Variants in SVIL observed in about 807,000 individuals in gnomAD.
SVIL encodes archvillin.
A neutral mutation model predicts 240.4 loss-of-function variants in SVIL; 101 were observed. That is an observed-to-expected ratio of 0.42 (90% CI 0.36 to 0.50). SVIL has a LOEUF of 0.50. Ranked by LOEUF, SVIL falls within the 20% of genes least tolerant of loss-of-function variation. SVIL has a pLI of 0.01. For synonymous variants in SVIL, 999 were observed against 1,100.0 expected, an observed-to-expected ratio of 0.91 and a Z score of 1.82; for missense variants, 2,512 against 2,818.7, an observed-to-expected ratio of 0.89 and a Z score of 2.46.
intron 1 of SVIL, among the ~76,000 whole-genome samples, chr10:29,579,192 C>CTT (rs1453993798): frequency 6.6e-6 from 1 of 151,984 alleles, no homozygotes; most frequent in Non-Finnish European, 1.5e-5. Flanking sequence ...AATCCCAGCA[C>CTT]TTTGGGAGGC....
In SVIL at chr10:29,480,651, C is replaced by T. The variant is rs759800497; in HGVS notation, c.5263G>A (p.Asp1755Asn). 3.7e-6 allele frequency: 6 copies of T among 1,614,210 alleles called. No homozygotes were observed. The highest frequency in any genetic ancestry group is 3.3e-5 in the Admixed American group (2 of 60,018). The change falls in exon 29 of 38, where the codon GAT becomes AAT. Residue 1755 changes from aspartate to asparagine, a missense_variant. By Grantham distance (23) the Asp-to-Asn change is conservative. Transcript: ENST00000355867. ...RQFEITSVSV[D>N]VWHILEFDYS... is the part of the protein sequence containing the mutation. ...TCGAATTCCAGGATGTGCCAGACAT[C>T]CACGGAAACGCTGGTGATCTCAAAC...
chr10:29,616,871 C>A (rs749718590), intron 1 of SVIL, among the ~76,000 whole-genome samples: 1 of 152,152 alleles, frequency 6.6e-6, no homozygotes, highest in Admixed American at 6.5e-5. Context: ...TATAGGCCCA[C>A]GCCACGAAGC....
chr10:29,541,290 C>T (rs1401392684), intron 6 of SVIL, among the ~76,000 whole-genome samples: 2 of 152,088 alleles, frequency 1.3e-5, no homozygotes, highest in African/African-American at 4.8e-5. Flanking sequence ...GAGGCTATAC[C>T]AGTCTTTGCA....
Position 29,532,115 on chromosome 10 carries a change from C to A in SVIL, c.1896G>T (p.Arg632=). The part of the protein sequence containing the change: ...EGPGLPTGVE[R]ERGSRKPRRY... ...GTCTTGGTTTCCGGGACCCTCTCTC[C>A]CGTTCCACACCGGTGGGCAAGCCAG... Residue 632 remains arginine, a synonymous_variant, in exon 9 of 38, where the codon CGG becomes CGT. Transcript: ENST00000355867. 1.2e-6 allele frequency: 2 copies of A among 1,614,014 alleles called. No individual in the cohort carries two copies.
intron 2 of SVIL, among the ~76,000 whole-genome samples, chr10:29,682,134 A>T (rs1173590340): frequency 6.6e-6 from 1 of 152,144 alleles, no homozygotes; most frequent in Non-Finnish European, 1.5e-5. Context: ...TCTCATTTGT[A>T]TGCATCTTGG....
Position 29,488,622 on chromosome 10 carries a change from G to A in SVIL, c.4327C>T (p.Leu1443=), listed in dbSNP as rs1187951571. 11 of 1,603,922 alleles carry A rather than the reference G, an allele frequency of 6.9e-6. No individual in the cohort carries two copies. The highest frequency in any genetic ancestry group is 1.7e-5 in the Admixed American group (1 of 57,246). ...ATACCTTTAATCTGCAACAGCATCA[G>A]CCTCTTGTAGGGCACGGCGCTGTTG... ...SNNSAVPYKR[L]MLLQIKGRRH... The change falls in exon 23 of 38, where the codon CTG becomes TTG. Residue 1443 remains leucine, a synonymous_variant. Coordinates refer to ENST00000355867, the MANE Select transcript of SVIL (RefSeq NM_021738.3).
chr10:29,550,483 C>T, intron 6 of SVIL, 114 bp downstream of exon 6: 1 of 1,193,730 alleles, frequency 8.4e-7, no homozygotes, highest in Non-Finnish European at 1.1e-6. Context: ...GATATTTCTC[C>T]AATAAGCCTT....
At chr10:29,725,240 T>G (rs1383522830) in intron 1 of SVIL, among the ~76,000 whole-genome samples, 1 of 152,002 alleles carries the variant, frequency 6.6e-6, no homozygotes, top group Non-Finnish European at 1.5e-5. Flanking sequence ...TGATTCATCC[T>G]GCAGAGGACC....
intron 3 of SVIL, among the ~76,000 whole-genome samples, chr10:29,651,925 A>C (rs1407910261): frequency 6.6e-6 from 1 of 152,104 alleles, no homozygotes; most frequent in Non-Finnish European, 1.5e-5. Flanking sequence ...TTTAGAGGTC[A>C]TTCTTAATTC....
intron 1 of SVIL, among the ~76,000 whole-genome samples, chr10:29,585,627 A>T (rs1956133055): frequency 6.6e-6 from 1 of 152,150 alleles, no homozygotes; most frequent in African/African-American, 2.4e-5. Flanking sequence ...AGCCAGCAGC[A>T]TCTCAGATGT....
intron 20 of SVIL, among the ~76,000 whole-genome samples, chr10:29,493,687 C>G (rs1465144856): frequency 6.6e-6 from 1 of 151,906 alleles, no homozygotes; most frequent in Non-Finnish European, 1.5e-5. Context: ...GTAGGTGAAC[C>G]AGCCTCAGCC....
At chr10:29,529,252 T>C (rs1456582675) in intron 12 of SVIL, among the ~76,000 whole-genome samples, 2 of 147,796 alleles carry the variant, frequency 1.4e-5, no homozygotes, top group Admixed American at 6.7e-5. Context: ...ACAAACCTTA[T>C]CTTTTAGAGG....
At chr10:29,465,248 A>G (rs903651338) in intron 34 of SVIL, among the ~76,000 whole-genome samples, 7 of 152,166 alleles carry the variant, frequency 4.6e-5, no homozygotes, top group Admixed American at 1.3e-4. Flanking sequence ...GGCTGGAGCA[A>G]TGGCAGTCGA....
chr10:29,548,683 C>T (rs1055891226), intron 6 of SVIL, among the ~76,000 whole-genome samples: 3 of 152,110 alleles, frequency 2.0e-5, no homozygotes, highest in African/African-American at 7.2e-5. Context: ...AGTTCTATTT[C>T]GTGTATATTG....
intron 1 of SVIL, among the ~76,000 whole-genome samples, chr10:29,593,825 G>A (rs993375819): frequency 6.6e-6 from 1 of 152,190 alleles, no homozygotes; most frequent in Admixed American, 6.5e-5. Flanking sequence ...CTTAGAGACT[G>A]AGAAATGCCC....
intron 2 of SVIL, among the ~76,000 whole-genome samples, chr10:29,566,206 A>C (rs1018702172): frequency 6.6e-5 from 10 of 152,192 alleles, no homozygotes; most frequent in African/African-American, 2.4e-4. Context: ...TTTGGAACAC[A>C]TCATTCTTTA....
chr10:29,629,738 G>A (rs1958012563), intron 1 of SVIL, among the ~76,000 whole-genome samples: 1 of 149,054 alleles, frequency 6.7e-6, no homozygotes, highest in Admixed American at 6.9e-5. Flanking sequence ...AGTGCCTTGA[G>A]AGGCCTTAAT....
chr10:29,534,463 G>A (rs2132573162), intron 7 of SVIL, among the ~76,000 whole-genome samples: 1 of 152,284 alleles, frequency 6.6e-6, no homozygotes, highest in East Asian at 1.9e-4. Flanking sequence ...TGATTGTACA[G>A]CTACACTCCA....
At position 29,533,245 on chromosome 10, in the gene SVIL, A is replaced by AC. The variant is rs1248667237; in HGVS notation, c.1121dup (p.His375SerfsTer16). Reference sequence around the variant, plus strand: ...CTGGCGTCACTAGCTTGGCGGTGTGACCGGTATCTGCGGGTTGGACATAGC... The same window carrying AC: ...CTGGCGTCACTAGCTTGGCGGTGTGACCCGGTATCTGCGGGTTGGACATAGC... On this transcript the variant is annotated frameshift_variant, in exon 8 of 38. Transcript: ENST00000355867. LOFTEE classifies it high-confidence loss of function. 4.2e-5 allele frequency: 68 copies of AC among 1,613,856 alleles called. No individual in the cohort carries two copies. Among genetic ancestry groups the AC allele is most frequent in the Non-Finnish European group, 5.4e-5 (64 of 1,180,004 alleles).
Sources: allele counts gnomAD v4.1 joint callset (sites outside exome capture counted in the v4.1 genomes callset), GRCh38; gene constraint gnomAD v4.1.1; transcripts MANE v1.5; gene names NCBI Gene and HGNC (gene_info 2026-07-23, HGNC 2026-07-21).